ZFYVE26: variants seen among roughly 807,000 people sequenced by gnomAD.
The protein encoded by ZFYVE26 is zinc finger FYVE-type containing 26.
A neutral mutation model predicts 276.5 loss-of-function variants in ZFYVE26; 181 were observed. That is an observed-to-expected ratio of 0.65 (90% CI 0.58 to 0.74). The LOEUF (loss-of-function observed/expected upper bound fraction) is 0.74, where lower values mean the gene tolerates loss of function less well. Among genes scored for constraint, ZFYVE26 ranks in the 30% least tolerant of loss-of-function variants. The probability of loss-of-function intolerance (pLI) is 0.00; values close to 1 mark genes in which losing one functional copy is unlikely to be tolerated. For synonymous variants in ZFYVE26, 1,129 were observed against 1,203.1 expected (o/e 0.94, Z 1.27); for missense variants, 2,821 against 3,097.9 (o/e 0.91, Z 2.12).
intron 41 of ZFYVE26, 41 bp downstream of exon 41, chr14:67,751,011 A>G (rs1318998701): frequency 2.5e-6 from 4 of 1,613,672 alleles, no homozygotes; most frequent in Non-Finnish European, 3.4e-6. Context: ...CTGAGACACA[A>G]TTCATTGGCA....
chr14:67,785,350 G>T, intron 18 of ZFYVE26, 73 bp from the exon 19 acceptor site: 2 of 1,384,868 alleles, frequency 1.4e-6, no homozygotes, highest in Non-Finnish European at 2.0e-6. Context: ...ATTTCTGACT[G>T]GATATGTGAA....
intron 15 of ZFYVE26, among the ~76,000 whole-genome samples, 191 bp from the exon 16 acceptor site, chr14:67,789,789 A>C (rs2039763418): frequency 6.6e-6 from 1 of 152,160 alleles, no homozygotes. Context: ...AGACCAAGAG[A>C]CTCAGAGTGG....
chr14:67,766,524 G>A, intron 31 of ZFYVE26, 77 bp from the exon 32 acceptor site: 1 of 1,356,032 alleles, frequency 7.4e-7, no homozygotes, highest in Non-Finnish European at 1.0e-6. Context: ...CTGGGTGGCA[G>A]AAATTATCCT....
At chr14:67,780,435 C>T in intron 22 of ZFYVE26, 90 bp from the exon 23 acceptor site, 1 of 1,169,536 alleles carries the variant, frequency 8.6e-7, no homozygotes, top group Non-Finnish European at 1.2e-6. Context: ...TGGGCCATCC[C>T]TAGATCTCTG....
chr14:67,781,548 G>T lies in ZFYVE26; in HGVS notation c.4373-19C>A, dbSNP rs1199503325. 6.2e-7 allele frequency: 1 copy of T among 1,612,770 alleles called. No homozygotes were observed. Among genetic ancestry groups the T allele is most frequent in the Non-Finnish European group, 8.5e-7 (1 of 1,179,256 alleles). On this transcript the variant is annotated intron_variant, in intron 21 of 41. Transcript: ENST00000347230. Reference sequence around the variant, plus strand: ...TCTTTGTCTATAAGACAAAAAAGATGCTCAGAGGCAGCAAGCGTGGGACCA... The same window carrying T: ...TCTTTGTCTATAAGACAAAAAAGATTCTCAGAGGCAGCAAGCGTGGGACCA...
chr14:67,761,932 A>C, intron 34 of ZFYVE26: 1 of 557,812 alleles, frequency 1.8e-6, no homozygotes, highest in South Asian at 2.1e-5. Context: ...TTTAACACTA[A>C]TCAGTCTGTG....
chr14:67,748,708 G>A lies in ZFYVE26; in HGVS notation c.7417-69C>T, dbSNP rs2038554542. The A allele has an allele frequency of 2.6e-6, 4 of 1,556,258 alleles. No homozygotes were observed. In the Admixed American group the frequency reaches 7.2e-5, roughly 28 times the overall value. On this transcript the variant is annotated intron_variant, in intron 41 of 41. Coordinates refer to ENST00000347230, the MANE Select transcript of ZFYVE26 (RefSeq NM_015346.4). The stretch of plus-strand genomic sequence containing the variant: ...GACAAATCAAGTATACAGAGCTGCA[G>A]CAGAAAGCTCGGGCAGACAGACACC...
intron 16 of ZFYVE26, among the ~76,000 whole-genome samples, chr14:67,787,161 T>C (rs1425154705): frequency 6.6e-6 from 1 of 151,900 alleles, no homozygotes; most frequent in Non-Finnish European, 1.5e-5. Context: ...GGTGGGTGGA[T>C]GGTGAAACCC....
rs984729057 is a variant in ZFYVE26, at chr14:67,748,628, G to A, written c.7428C>T (p.Tyr2476=). 6.2e-7 allele frequency: 1 copy of A among 1,613,872 alleles called. No individual in the cohort carries two copies. Among genetic ancestry groups the A allele is most frequent in the African/African-American group, 1.3e-5 (1 of 74,940 alleles). ...IHNDDNKVRA[Y]LICCKLRSAY... is the part of the protein sequence containing the mutation. ...CAGAACGCAGTTTGCAACATATCAG[G>A]TAGGCCCGAACCTGGCAGTCAGTTA... is the stretch of plus-strand genomic sequence containing the variant. The change falls in exon 42 of 42, where the codon TAC becomes TAT. Residue 2476 remains tyrosine, a synonymous_variant. Coordinates refer to ENST00000347230, the MANE Select transcript of ZFYVE26 (RefSeq NM_015346.4).
At chr14:67,794,762 C>A (rs1257458251) in intron 12 of ZFYVE26, among the ~76,000 whole-genome samples, 1 of 152,096 alleles carries the variant, frequency 6.6e-6, no homozygotes, top group Non-Finnish European at 1.5e-5. Context: ...CTGGGCAACA[C>A]TGCAAGACCC....
At position 67,762,474 on chromosome 14, in the gene ZFYVE26, G is replaced by C. The variant is rs1594892526; in HGVS notation, c.6160-62C>G. ...TACATTCAGGCCTAAATGTCCCAAA[G>C]ACCTATTCTATTCCCAAGTTGCCAA... On this transcript the variant is annotated intron_variant, in intron 33 of 41. Transcript: ENST00000347230. 4.7e-5 allele frequency: 73 copies of C among 1,562,964 alleles called. No individual in the cohort carries two copies. The East Asian group carries it at 1.5e-3, about 32-fold the overall frequency.
At chr14:67,779,999 G>A (rs2039453452) in intron 23 of ZFYVE26, among the ~76,000 whole-genome samples, 1 of 152,164 alleles carries the variant, frequency 6.6e-6, no homozygotes, top group African/African-American at 2.4e-5. Flanking sequence ...AGCCTCTGGA[G>A]TAGCTGGGAC....
intron 14 of ZFYVE26, among the ~76,000 whole-genome samples, chr14:67,792,345 C>T (rs771849746): frequency 1.3e-5 from 2 of 151,906 alleles, no homozygotes; most frequent in Non-Finnish European, 1.5e-5. Flanking sequence ...TAGAAGAGTA[C>T]TATTTTATGT....
intron 40 of ZFYVE26, chr14:67,751,492 C>T (rs1385392551): frequency 3.3e-5 from 10 of 304,240 alleles, no homozygotes; most frequent in South Asian, 1.6e-4. Context: ...GTGATCCTCC[C>T]GCCTCAGCCT....
intron 3 of ZFYVE26, among the ~76,000 whole-genome samples, chr14:67,813,580 T>C (rs1293070740): frequency 6.6e-6 from 1 of 152,210 alleles, no homozygotes; most frequent in Non-Finnish European, 1.5e-5. Context: ...GGAATTTGAA[T>C]CTATGAGATG....
In ZFYVE26 at chr14:67,754,200, T is replaced by C. The variant is rs1163419770; in HGVS notation, c.6999A>G (p.Thr2333=). 1.2e-6 allele frequency: 2 copies of C among 1,614,072 alleles called. No individual in the cohort carries two copies. The highest frequency in any genetic ancestry group is 4.5e-5 in the East Asian group (2 of 44,906). Residue 2333 remains threonine (T), a synonymous_variant, in exon 38 of 42, where the codon ACA becomes ACG. Transcript: ENST00000347230. ...TGGTCACTTCCATCTGCAGCTGAAGTGTGTTCATGTGCCTGTGGTGACAGA... is the reference window on the plus strand; with the variant it reads ...TGGTCACTTCCATCTGCAGCTGAAGCGTGTTCATGTGCCTGTGGTGACAGA... The part of the protein sequence containing the change: ...TAADVSRHMN[T]LQLQMEVTRF...
intron 16 of ZFYVE26, among the ~76,000 whole-genome samples, chr14:67,788,202 A>G (rs1297800443): frequency 1.3e-5 from 2 of 152,134 alleles, no homozygotes; most frequent in South Asian, 2.1e-4. Flanking sequence ...CAGCCTGACC[A>G]ACATGGTGAA....
At chr14:67,758,023 G>GT (rs1288828967) in intron 35 of ZFYVE26, among the ~76,000 whole-genome samples, 4 of 152,076 alleles carry the variant, frequency 2.6e-5, no homozygotes, top group Admixed American at 6.6e-5. Context: ...CCTTTTGTCT[G>GT]TTTTTTTACT....
chr14:67,755,338 T>A, intron 36 of ZFYVE26, 88 bp from the exon 37 acceptor site: 1 of 1,465,512 alleles, frequency 6.8e-7, no homozygotes, highest in Non-Finnish European at 9.4e-7. Context: ...GATTTCTGCC[T>A]ATGAGACCTT....
Sources: gnomAD v4.1 joint callset for allele counts (sites outside exome capture counted in the v4.1 genomes callset) on GRCh38, gnomAD v4.1.1 for gene constraint, MANE v1.5 for transcripts, NCBI Gene and HGNC (gene_info 2026-07-23, HGNC 2026-07-21) for gene names.